Variants in DNAH17 observed in about 807,000 individuals in gnomAD.
DNAH17 encodes dynein axonemal heavy chain 17.
In DNAH17, 376 loss-of-function variants were observed where a neutral mutation model predicts 485.6. That is an observed-to-expected ratio of 0.77 (90% confidence interval 0.71 to 0.84). DNAH17 has a LOEUF of 0.84. DNAH17 is among the 40% of genes least tolerant of loss of function. The probability of loss-of-function intolerance (pLI) is 0.00; values close to 1 mark genes in which losing one functional copy is unlikely to be tolerated. For missense variants in DNAH17, 6,370 were observed against 5,839.3 expected, an observed-to-expected ratio of 1.09 and a Z score of -2.96; for synonymous variants, 3,031 against 2,405.9, an observed-to-expected ratio of 1.26 and a Z score of -7.60.
rs1358456769 is a variant in DNAH17, at chr17:78,494,125, A to T, written c.6319T>A (p.Phe2107Ile). Reference protein sequence around the residue: ...VELKLQAEDSFVLKVVQLEEL... With the variant: ...VELKLQAEDSIVLKVVQLEEL... ...TCCAGCTGCACCACCTTCAGCACGAAGCTGTCCTCCGCCTGCAGCTTGAGC... is the reference window on the plus strand; with the variant it reads ...TCCAGCTGCACCACCTTCAGCACGATGCTGTCCTCCGCCTGCAGCTTGAGC... The change falls in exon 41 of 81, where the codon TTC becomes ATC. Residue 2107 changes from phenylalanine (F) to isoleucine (I), a missense_variant. By Grantham distance (21) the Phe-to-Ile change is conservative (BLOSUM62 0). Coordinates refer to ENST00000389840, the MANE Select transcript of DNAH17 (RefSeq NM_173628.4). 2 of 1,612,720 alleles carry T rather than the reference A, an allele frequency of 1.2e-6. No individual in the cohort carries two copies. The highest frequency in any genetic ancestry group is 1.7e-6 in the Non-Finnish European group (2 of 1,179,832).
rs576677617 is a variant in DNAH17, at chr17:78,548,671, T to TA, written c.2391+2863dup. ...CCCTTTGCTGTTCACACCTGAGGGCTAAGGGCACAGCCTGAGAATGTACAA... is the reference window on the plus strand; with the variant it reads ...CCCTTTGCTGTTCACACCTGAGGGCTAAAGGGCACAGCCTGAGAATGTACAA... On this transcript the variant is annotated intron_variant, in intron 16 of 80. Transcript: ENST00000389840. 8.6e-3 allele frequency among the ~76,000 whole-genome samples: 1,303 copies of TA among 152,352 alleles called. 20 individuals are homozygous for TA. The highest frequency in any genetic ancestry group is 0.03 in the African/African-American group (1,228 of 41,582).
At chr17:78,482,373 G>A (rs1173452587) in intron 48 of DNAH17, among the ~76,000 whole-genome samples, 2 of 152,160 alleles carry the variant, frequency 1.3e-5, no homozygotes, top group Admixed American at 6.5e-5. Context: ...GGAAGTTGAC[G>A]TCTGTTAGTT....
chr17:78,519,190 A>G (rs987898161), intron 25 of DNAH17, among the ~76,000 whole-genome samples: 60 of 147,222 alleles, frequency 4.1e-4, no homozygotes, highest in African/African-American at 1.4e-3. Flanking sequence ...AAAAAAAAAA[A>G]AAAGAAATGT....
chr17:78,425,792 G>T (rs920013430), intron 79 of DNAH17, among the ~76,000 whole-genome samples: 1 of 123,892 alleles, frequency 8.1e-6, no homozygotes, highest in African/African-American at 4.0e-5. Context: ...TTGAGATGAA[G>T]TATCGCTCTG....
chr17:78,565,441 A>G (rs762950873), intron 11 of DNAH17, among the ~76,000 whole-genome samples: 6 of 152,372 alleles, frequency 3.9e-5, no homozygotes, highest in Non-Finnish European at 5.9e-5. Context: ...GGGCAAAGGA[A>G]CATCCTGACG....
chr17:78,495,441 T>C (rs1347736638), intron 38 of DNAH17, among the ~76,000 whole-genome samples: 1 of 144,442 alleles, frequency 6.9e-6, no homozygotes, highest in South Asian at 2.1e-4. Flanking sequence ...GGGAGTGTTT[T>C]TTTTTTTTTT....
rs765954549 is a variant in DNAH17 at position 78,555,543 on chromosome 17, C to CAAAAAAAAAAAAA, written c.2178+2552_2178+2564dup. Reference sequence around the variant, plus strand: ...CGGGGAGAGGAGCAAGATTCCGTCACAAAAAAAAAAAAAAAAAAAAAAAGA... The same window carrying CAAAAAAAAAAAAA: ...CGGGGAGAGGAGCAAGATTCCGTCACAAAAAAAAAAAAAAAAAAAAAAAAAAAAAAAAAAAAGA... On this transcript the variant is annotated intron_variant, in intron 14 of 80. Transcript: ENST00000389840. 1.5e-4 allele frequency among the ~76,000 whole-genome samples: 12 copies of CAAAAAAAAAAAAA among 77,690 alleles called. 1 individual carries two copies. The highest frequency in any genetic ancestry group is 4.5e-4 in the African/African-American group (8 of 17,810). 51.0% of individuals were successfully genotyped at this position (77,690 alleles called of 152,430 possible).
At chr17:78,549,723 G>A (rs1008135900) in intron 16 of DNAH17, among the ~76,000 whole-genome samples, 1 of 152,166 alleles carries the variant, frequency 6.6e-6, no homozygotes, top group African/African-American at 2.4e-5. Flanking sequence ...GGTGGGCAGT[G>A]GTCAAGCTGG....
At chr17:78,555,433 G>T (rs537567789) in intron 14 of DNAH17, among the ~76,000 whole-genome samples, 8 of 150,656 alleles carry the variant, frequency 5.3e-5, no homozygotes, top group Non-Finnish European at 8.8e-5. Flanking sequence ...GCTGGAGAAA[G>T]GTGCTGTGTT....
chr17:78,501,486 T>G, intron 34 of DNAH17, 142 bp from the exon 35 acceptor site: 1 of 1,099,134 alleles, frequency 9.1e-7, no homozygotes, highest in Non-Finnish European at 1.3e-6. Context: ...AGCACCCACA[T>G]CCAACTGTAT....
chr17:78,532,005 G>A (rs1481848915), intron 20 of DNAH17, among the ~76,000 whole-genome samples: 2 of 152,136 alleles, frequency 1.3e-5, no homozygotes, highest in African/African-American at 4.8e-5. Flanking sequence ...CCAACCCGGA[G>A]CCCACACCTC....
At position 78,570,952 on chromosome 17, in the gene DNAH17, G is replaced by A. The variant is rs373993974; in HGVS notation, c.914C>T (p.Thr305Met). The A allele has an allele frequency of 6.6e-5, 104 of 1,585,394 alleles. 1 individual carries two copies. In the East Asian group the frequency reaches 1.4e-3, roughly 21 times the overall value. The change falls in exon 6 of 81, where the codon ACG becomes ATG. Residue 305 changes from threonine (T) to methionine (M), a missense_variant. Coordinates refer to ENST00000389840, the MANE Select transcript of DNAH17 (RefSeq NM_173628.4). ...GGCTCTCCCTTGCCTGCGCACCATCGTGAAGTCGGCTTGTTCCATCTCCTC... is the reference window on the plus strand; with the variant it reads ...GGCTCTCCCTTGCCTGCGCACCATCATGAAGTCGGCTTGTTCCATCTCCTC... The part of the protein sequence containing the change: ...LLEEMEQADF[T>M]MLPTFIAKVL...
intron 57 of DNAH17, 126 bp downstream of exon 57, chr17:78,462,718 G>A (rs935755922): frequency 3.9e-5 from 33 of 851,886 alleles, no homozygotes; most frequent in Non-Finnish European, 4.9e-5. Context: ...CAGGAAGCGT[G>A]CTCATCTTAC....
At chr17:78,429,028 T>C in intron 76 of DNAH17, 93 bp downstream of exon 76, 1 of 1,400,240 alleles carries the variant, frequency 7.1e-7, no homozygotes, top group Non-Finnish European at 9.8e-7. Flanking sequence ...GGGTTCTTGC[T>C]CAATTATTGA....
rs35957404 is a variant in DNAH17, at chr17:78,450,790, A to G, written c.10791T>C (p.Asp3597=). The G allele has an allele frequency of 0.039, 63,044 of 1,613,992 alleles. 1,543 individuals are homozygous for G. The highest frequency in any genetic ancestry group is 0.076 in the South Asian group (6,935 of 91,088). ...CAGCCGACAGACGGGCCAGGAGCGA[A>G]TCTTCCAGCTCTTTCAGAACAATCT... ...EFKIVLKELE[D]SLLARLSAAS... The change falls in exon 67 of 81, where the codon GAT becomes GAC. Residue 3597 remains aspartate (D), a synonymous_variant. Coordinates refer to ENST00000389840, the MANE Select transcript of DNAH17 (RefSeq NM_173628.4).
chr17:78,497,909 G>A (rs149714997), intron 37 of DNAH17, among the ~76,000 whole-genome samples: 249 of 152,268 alleles, frequency 1.6e-3, no homozygotes, highest in African/African-American at 5.7e-3. Flanking sequence ...TTGGGAGGCC[G>A]AGGTGGGTGG....
At chr17:78,465,200 G>A (rs1004555970) in intron 56 of DNAH17, among the ~76,000 whole-genome samples, 14 of 152,224 alleles carry the variant, frequency 9.2e-5, no homozygotes, top group Admixed American at 1.3e-4. Context: ...CCGAGGTGCC[G>A]GGATTGCAGA....
intron 57 of DNAH17, among the ~76,000 whole-genome samples, chr17:78,461,994 G>C (rs1473213643): frequency 6.6e-5 from 10 of 152,040 alleles, no homozygotes; most frequent in Non-Finnish European, 4.4e-5. Flanking sequence ...AACCGAGTGA[G>C]ACCCTGTCTG....
intron 76 of DNAH17, 148 bp from the exon 77 acceptor site, chr17:78,428,855 GCCCCCTGTGCTCCCAGCGACATAAA>G: frequency 1.0e-6 from 1 of 983,220 alleles, no homozygotes; most frequent in Non-Finnish European, 1.5e-6. Context: ...TTTGTGGGCT[GCCCCCTGTGCTCCCAGCGACATAAA>G]GGAAAATTCC....
Sources: gnomAD v4.1 joint callset for allele counts (sites outside exome capture counted in the v4.1 genomes callset) on GRCh38, gnomAD v4.1.1 for gene constraint, MANE v1.5 for transcripts, NCBI Gene and HGNC (gene_info 2026-07-23, HGNC 2026-07-21) for gene names.